DCLRE1C: variants seen among roughly 807,000 people sequenced by gnomAD.
DCLRE1C encodes DNA cross-link repair 1C.
DCLRE1C carries 47 observed loss-of-function variants against 61.4 expected under a neutral mutation model. That is an observed-to-expected ratio of 0.77 (90% CI 0.61 to 0.98). The LOEUF is 0.98. DCLRE1C is among the 50% of genes least tolerant of loss of function. DCLRE1C has a pLI of 0.00. For synonymous variants in DCLRE1C, 337 were observed against 287.6 expected, an observed-to-expected ratio of 1.17 and a Z score of -1.74; for missense variants, 858 against 816.0, an observed-to-expected ratio of 1.05 and a Z score of -0.63.
At chr10:14,929,425 TAA>T (rs71388201) in intron 9 of DCLRE1C, among the ~76,000 whole-genome samples, 10 of 127,492 alleles carry the variant, frequency 7.8e-5, no homozygotes, top group Admixed American at 1.6e-4. Context: ...TTTTTTTAAT[TAA>T]AAAAAAAAAA....
At chr10:14,922,537 T>C (rs1347402147) in intron 12 of DCLRE1C, among the ~76,000 whole-genome samples, 7 of 152,126 alleles carry the variant, frequency 4.6e-5, no homozygotes, top group Non-Finnish European at 7.3e-5. Context: ...ATGAATACGA[T>C]TGCACCTCTC....
In DCLRE1C at chr10:14,928,172, T is replaced by A. The variant is rs1011602830; in HGVS notation, c.781-20A>T. 1 of 1,610,426 alleles carries A rather than the reference T, an allele frequency of 6.2e-7. No individual in the cohort carries two copies. The highest frequency in any genetic ancestry group is 1.7e-5 in the Admixed American group (1 of 59,928). ...CTCTGCCTAAAAAAGATAAAAAGCATAGAAAAACAGTTCTACATTTTCTAC... is the reference window on the plus strand; with the variant it reads ...CTCTGCCTAAAAAAGATAAAAAGCAAAGAAAAACAGTTCTACATTTTCTAC... On this transcript the variant is annotated intron_variant, in intron 9 of 13. Transcript: ENST00000378278.
intron 11 of DCLRE1C, among the ~76,000 whole-genome samples, 192 bp downstream of exon 11, chr10:14,926,651 C>G (rs1176240695): frequency 3.0e-5 from 4 of 133,992 alleles, no homozygotes; most frequent in Non-Finnish European, 6.4e-5. Context: ...AAAACACTGT[C>G]TCAACCAAAA....
chr10:14,932,626 A>C (rs1022688285), intron 9 of DCLRE1C, among the ~76,000 whole-genome samples: 2 of 151,624 alleles, frequency 1.3e-5, no homozygotes, highest in African/African-American at 4.9e-5. Flanking sequence ...ACAGAGTGAG[A>C]CTCCATCTCA....
chr10:14,914,547 C>T (rs1835848077), intron 13 of DCLRE1C, among the ~76,000 whole-genome samples: 1 of 152,212 alleles, frequency 6.6e-6, no homozygotes, highest in African/African-American at 2.4e-5. Context: ...CATCCAACAA[C>T]AGTAGTACAT....
chr10:14,940,254 G>T lies in DCLRE1C; in HGVS notation c.247-385C>A, dbSNP rs41296978. On this transcript the variant is annotated intron_variant, in intron 3 of 13. Transcript: ENST00000378278. ...TGTGCCTCAGAACACAGTCTGGATGGGTCTGTGACATGGATGCTTCATACA... is the reference window on the plus strand; with the variant it reads ...TGTGCCTCAGAACACAGTCTGGATGTGTCTGTGACATGGATGCTTCATACA... Among the ~76,000 whole-genome samples, 1,277 of 151,308 alleles carry T rather than the reference G, an allele frequency of 8.4e-3. 19 individuals are homozygous for T. Among genetic ancestry groups the T allele is most frequent in the African/African-American group, 0.029 (1,211 of 41,214 alleles).
intron 5 of DCLRE1C, among the ~76,000 whole-genome samples, 195 bp from the exon 6 acceptor site, chr10:14,935,759 T>C (rs2130959808): frequency 6.6e-6 from 1 of 152,266 alleles, no homozygotes; most frequent in Middle Eastern, 3.4e-3. Context: ...AATAACAGAA[T>C]GGAGATGCTA....
intron 13 of DCLRE1C, among the ~76,000 whole-genome samples, chr10:14,913,866 C>T (rs1447964291): frequency 6.6e-6 from 1 of 152,022 alleles, no homozygotes; most frequent in East Asian, 1.9e-4. Context: ...GAACCAATCC[C>T]CCAAGGATAC....
At chr10:14,914,325 A>T (rs967836845) in intron 13 of DCLRE1C, among the ~76,000 whole-genome samples, 2 of 152,224 alleles carry the variant, frequency 1.3e-5, no homozygotes, top group Non-Finnish European at 2.9e-5. Context: ...TCAAGAGGAT[A>T]TAAGAATCTT....
Position 14,932,804 on chromosome 10 carries a change from T to G in DCLRE1C, c.780+50A>C, listed in dbSNP as rs751395763. On this transcript the variant is annotated intron_variant, in intron 9 of 13. Transcript: ENST00000378278. ...TAAATGGAAGCCCTGACCTTTCTTC[T>G]TTTTCATAGATTACACAAACAATAC... 1.9e-6 allele frequency: 3 copies of G among 1,605,728 alleles called. No individual in the cohort carries two copies. In the East Asian group the frequency reaches 6.7e-5, roughly 36 times the overall value.
downstream of DCLRE1C, chr10:14,901,329 C>A: frequency 3.1e-6 from 5 of 1,593,066 alleles, no homozygotes; most frequent in African/African-American, 1.3e-5. Context: ...AGACTAGGAA[C>A]AGACCTTAGA....
In DCLRE1C at chr10:14,908,683, A is replaced by G. The variant is rs1339921043; in HGVS notation, c.1804T>C (p.Tyr602His). The G allele has an allele frequency of 6.2e-7, 1 of 1,614,224 alleles. No homozygotes were observed. Among genetic ancestry groups the G allele is most frequent in the Admixed American group, 1.7e-5 (1 of 60,030 alleles). Residue 602 changes from tyrosine (Y) to histidine (H), a missense_variant, in exon 14 of 14, where the codon TAC becomes CAC. Tyr to His is a moderately conservative substitution (Grantham distance 83, BLOSUM62 2). Transcript: ENST00000378278. ...EQNVICPKDT[Y>H]SDLKSRDKDV... ...TTATCTCTGCTTTTCAAATCAGAGT[A>G]AGTATCCTTTGGGCAAATTACATTT...
intron 4 of DCLRE1C, among the ~76,000 whole-genome samples, chr10:14,937,527 A>C (rs938411686): frequency 6.6e-6 from 1 of 151,936 alleles, no homozygotes; most frequent in African/African-American, 2.4e-5. Context: ...CAAGTGATAC[A>C]TCTGCCTCGG....
At chr10:14,935,870 T>C (rs1399571446) in intron 5 of DCLRE1C, among the ~76,000 whole-genome samples, 1 of 152,192 alleles carries the variant, frequency 6.6e-6, no homozygotes, top group Non-Finnish European at 1.5e-5. Context: ...GATGATAAAA[T>C]ACAAGGTCAC....
chr10:14,948,518 G>C (rs1382756482), intron 2 of DCLRE1C, among the ~76,000 whole-genome samples: 1 of 152,072 alleles, frequency 6.6e-6, no homozygotes, highest in Non-Finnish European at 1.5e-5. Flanking sequence ...AGTTACTGCT[G>C]TACCTAGCAG....
At chr10:14,946,980 G>C (rs1247376596) in intron 2 of DCLRE1C, among the ~76,000 whole-genome samples, 3 of 152,102 alleles carry the variant, frequency 2.0e-5, no homozygotes, top group African/African-American at 7.2e-5. Context: ...GGGAAGCCAA[G>C]GTGGGCAGAT....
intron 10 of DCLRE1C, among the ~76,000 whole-genome samples, chr10:14,927,306 A>C (rs1838172738): frequency 1.3e-5 from 2 of 150,994 alleles, no homozygotes; most frequent in South Asian, 2.1e-4. Context: ...GAATCACTTG[A>C]ACCGGGAGGC....
At chr10:14,901,178 G>C, downstream of DCLRE1C, 1 of 1,613,934 alleles carries the variant, frequency 6.2e-7, no homozygotes, top group Non-Finnish European at 8.5e-7. Context: ...TGATAACCTC[G>C]ATACTCGTCT....
intron 13 of DCLRE1C, among the ~76,000 whole-genome samples, chr10:14,913,623 TTGAC>T (rs1448394953): frequency 3.3e-5 from 5 of 152,216 alleles, no homozygotes; most frequent in African/African-American, 4.8e-5. Flanking sequence ...ATCTGTAGAT[TTGAC>T]TGACCACAGA....
Sources: gnomAD v4.1 joint callset for allele counts (sites outside exome capture counted in the v4.1 genomes callset) on GRCh38, gnomAD v4.1.1 for gene constraint, MANE v1.5 for transcripts, NCBI Gene and HGNC (gene_info 2026-07-23, HGNC 2026-07-21) for gene names.